Variants in PDE10A observed in about 807,000 individuals in gnomAD.
PDE10A encodes the protein phosphodiesterase 10A, also known as cAMP and cAMP-inhibited cGMP 3',5'-cyclic phosphodiesterase 10A.
PDE10A carries 39 observed loss-of-function variants against 97.7 expected under a neutral mutation model. That is an observed-to-expected ratio of 0.40 (90% CI 0.31 to 0.52). PDE10A has a LOEUF of 0.52. PDE10A is among the 20% of genes least tolerant of loss of function. PDE10A has a pLI of 0.56. For missense variants in PDE10A, 731 were observed against 1,047.8 expected, an observed-to-expected ratio of 0.70 and a Z score of 4.17; for synonymous variants, 371 against 376.8, an observed-to-expected ratio of 0.98 and a Z score of 0.18.
At chr6:165,973,423 A>AAT (rs1554233525) in intron 1 of PDE10A, among the ~76,000 whole-genome samples, 23,648 of 147,590 alleles carry the variant, frequency 0.16, 2,096 homozygotes, top group Non-Finnish European at 0.2. Flanking sequence ...CAAAAAAAAA[A>AAT]AAAATAAAAT....
At chr6:165,483,341 G>GT (rs1779713599) in intron 2 of PDE10A, among the ~76,000 whole-genome samples, 1 of 152,124 alleles carries the variant, frequency 6.6e-6, no homozygotes, top group Non-Finnish European at 1.5e-5. Flanking sequence ...CCTAGTTTTT[G>GT]TATTACTGTA....
At chr6:165,835,244 G>C (rs903438) in intron 1 of PDE10A, among the ~76,000 whole-genome samples, 147,340 of 152,334 alleles carry the variant, frequency 0.97, 71,291 homozygotes, top group East Asian at 1. Flanking sequence ...TAAAATTGAG[G>C]CTTTGAAACA....
intron 1 of PDE10A, among the ~76,000 whole-genome samples, chr6:165,961,887 G>A (rs1784370887): frequency 6.6e-6 from 1 of 152,224 alleles, no homozygotes; most frequent in Admixed American, 6.5e-5. Flanking sequence ...GTAAAAGGTG[G>A]TTTGTGGGCA....
chr6:165,368,003 CTTG>C (rs1358330777), intron 18 of PDE10A, among the ~76,000 whole-genome samples: 1 of 152,048 alleles, frequency 6.6e-6, no homozygotes, highest in African/African-American at 2.4e-5. Flanking sequence ...AAATTCTTTT[CTTG>C]TTTTTTTGAG....
intron 1 of PDE10A, among the ~76,000 whole-genome samples, chr6:165,634,542 G>A (rs553478736): frequency 2.6e-5 from 4 of 152,194 alleles, no homozygotes; most frequent in South Asian, 2.1e-4. Context: ...AAACTACAGC[G>A]AGACAAAGAT....
intron 1 of PDE10A, among the ~76,000 whole-genome samples, chr6:165,796,091 C>CTTT (rs1168771487): frequency 0.019 from 2,097 of 108,766 alleles, 91 homozygotes; most frequent in Middle Eastern, 0.038. Context: ...TTTTTCTTTT[C>CTTT]TTTTTTTTTT....
At chr6:165,814,828 C>A (rs1487602230) in intron 1 of PDE10A, among the ~76,000 whole-genome samples, 4 of 151,942 alleles carry the variant, frequency 2.6e-5, no homozygotes, top group Admixed American at 2.0e-4. Flanking sequence ...CGTCACTCTG[C>A]GGCGTATGTC....
chr6:165,822,860 G>A (rs1023835450), intron 1 of PDE10A, among the ~76,000 whole-genome samples: 1 of 151,092 alleles, frequency 6.6e-6, no homozygotes, highest in African/African-American at 2.4e-5. Flanking sequence ...TTTTTGAGAC[G>A]GAGTCTTGCT....
rs952826152 is a variant in PDE10A, at chr6:165,973,295, C to T, written c.-615+14234G>A. The stretch of plus-strand genomic sequence containing the variant: ...TTAGCCAGGCATGGTGGCAGGTGCC[C>T]GTAATCCCAGCTACTTGGGAGGCAG... On this transcript the variant is annotated intron_variant, in intron 1 of 19. Coordinates refer to the PDE10A transcript ENST00000366882. 3.3e-5 allele frequency among the ~76,000 whole-genome samples: 5 copies of T among 151,758 alleles called. No individual in the cohort carries two copies. In the East Asian group the frequency reaches 5.8e-4, roughly 18 times the overall value.
intron 1 of PDE10A, among the ~76,000 whole-genome samples, chr6:165,957,616 T>A (rs1265368303): frequency 6.6e-6 from 1 of 152,238 alleles, no homozygotes; most frequent in Admixed American, 6.5e-5. Context: ...TTTGTGCAAT[T>A]TGACTCCAAA....
intron 1 of PDE10A, among the ~76,000 whole-genome samples, chr6:165,674,112 T>C (rs925359107): frequency 1.3e-5 from 2 of 152,160 alleles, no homozygotes; most frequent in East Asian, 3.8e-4. Flanking sequence ...TAGAGACTCA[T>C]TGCCCAGGTT....
At chr6:165,742,061 C>G (rs1196920567) in intron 1 of PDE10A, among the ~76,000 whole-genome samples, 5 of 152,180 alleles carry the variant, frequency 3.3e-5, no homozygotes, top group African/African-American at 1.2e-4. Flanking sequence ...TGCTGTTTAT[C>G]AAATGCGTAA....
rs559842796 is a variant in PDE10A at position 165,603,257 on chromosome 6, A to G, written c.865+58690T>C. Among the ~76,000 whole-genome samples, 9 of 152,304 alleles carry G rather than the reference A, an allele frequency of 5.9e-5. No homozygotes were observed. In the South Asian group the frequency reaches 1.9e-3, roughly 32 times the overall value. On this transcript the variant is annotated intron_variant, in intron 1 of 21. Coordinates refer to ENST00000539869, the MANE Select transcript of PDE10A (RefSeq NM_001385079.1). ...AGCCATGTTGAGGAACCCCTGCAAG[A>G]GACGTCTGCAGTTGTATCCCCTAGC...
At chr6:165,503,767 A>G (rs530767913) in intron 2 of PDE10A, among the ~76,000 whole-genome samples, 2 of 152,312 alleles carry the variant, frequency 1.3e-5, no homozygotes, top group East Asian at 3.9e-4. Flanking sequence ...TATTTACCTA[A>G]GACTAAGTAT....
intron 1 of PDE10A, among the ~76,000 whole-genome samples, chr6:165,812,202 G>A (rs1406816192): frequency 6.6e-6 from 1 of 151,736 alleles, no homozygotes; most frequent in African/African-American, 2.4e-5. Context: ...AAAGTAGGAA[G>A]GTAGACGTAT....
At chr6:165,756,998 C>T (rs947407647) in intron 1 of PDE10A, among the ~76,000 whole-genome samples, 1 of 147,978 alleles carries the variant, frequency 6.8e-6, no homozygotes, top group Non-Finnish European at 1.5e-5. Context: ...GGCGGAGTCT[C>T]GCTCTGTTGC....
At chr6:165,470,345 C>T (rs765375617) in intron 3 of PDE10A, among the ~76,000 whole-genome samples, 1 of 152,224 alleles carries the variant, frequency 6.6e-6, no homozygotes, top group Non-Finnish European at 1.5e-5. Context: ...CGGTCAACTG[C>T]ACTTTTTGAA....
In PDE10A at chr6:165,819,498, CTGA is replaced by C. The variant is rs1779509468; in HGVS notation, c.-615+168028_-615+168030del. Among the ~76,000 whole-genome samples the C allele has an allele frequency of 1.3e-5, 2 of 152,172 alleles. No individual in the cohort carries two copies. The highest frequency in any genetic ancestry group is 2.9e-5 in the Non-Finnish European group (2 of 68,036). ...GCTTGCACCCTGCACGTGCTGCCCT[CTGA>C]CTGCAGGGTGCCGGCAGCCTCCTCC... On this transcript the variant is annotated intron_variant, in intron 1 of 19. Transcript: ENST00000366882. This position sits in a 1 kb window ranked among gnomAD's most constrained non-coding sequence, Gnocchi z 4.2.
intron 2 of PDE10A, among the ~76,000 whole-genome samples, chr6:165,523,417 C>T (rs1438080234): frequency 1.3e-5 from 2 of 152,006 alleles, no homozygotes; most frequent in Non-Finnish European, 2.9e-5. Flanking sequence ...GGTACAAAAA[C>T]AGACACATAG....
Sources: gnomAD v4.1 joint callset for allele counts (sites outside exome capture counted in the v4.1 genomes callset) on GRCh38, gnomAD v4.1.1 for gene constraint, Gnocchi (gnomAD v3.1) non-coding constraint, MANE v1.5 for transcripts, NCBI Gene and HGNC (gene_info 2026-07-23, HGNC 2026-07-21) for gene names.